Variants in ISM1 observed in about 807,000 individuals in gnomAD.
The protein encoded by ISM1 is isthmin 1.
In ISM1, 25 loss-of-function variants were observed where a neutral mutation model predicts 46.3. The ratio of observed to expected loss-of-function variants is 0.54; its 90% CI spans 0.39 to 0.75. The LOEUF is 0.75. ISM1 is among the 30% of genes least tolerant of loss of function. The pLI is 0.00. For synonymous variants in ISM1, 255 were observed against 256.7 expected (o/e 0.99, Z 0.06); for missense variants, 536 against 625.4 (o/e 0.86, Z 1.52).
chr20:13,293,503 C>CTT (rs907487312), intron 5 of ISM1, among the ~76,000 whole-genome samples: 3 of 146,496 alleles, frequency 2.0e-5, no homozygotes, highest in African/African-American at 7.5e-5. Context: ...AGTCCTGAGT[C>CTT]TTTTTTTTTT....
Position 13,298,968 on chromosome 20 carries a change from A to G in ISM1, c.904A>G (p.Ser302Gly). The change falls in exon 6 of 6, where the codon AGC (serine) becomes GGC (glycine). Residue 302 changes from serine (S) to glycine (G), a missense_variant. By Grantham distance (56) the Ser-to-Gly change is moderately conservative. This residue lies in a region of ISM1 where 169 missense variants were observed against 249.3 expected (regional missense o/e 0.68). Transcript: ENST00000262487. ...CACAGACAGCTGTGAGCGCTGGATG[A>G]GCTGCAAAAGCGAGTTCTTAAAGAA... ...VDTDSCERWM[S>G]CKSEFLKKYM... 1 of 1,613,560 alleles carries G rather than the reference A, an allele frequency of 6.2e-7. No homozygotes were observed. The highest frequency in any genetic ancestry group is 2.2e-5 in the East Asian group (1 of 44,874).
intron 1 of ISM1, among the ~76,000 whole-genome samples, chr20:13,227,404 C>T (rs574140900): frequency 1.3e-5 from 2 of 151,760 alleles, no homozygotes; most frequent in East Asian, 1.9e-4. Flanking sequence ...AGGGTTTCAC[C>T]GTGTTAGCTA....
chr20:13,282,861 C>T (rs542209071), intron 3 of ISM1, among the ~76,000 whole-genome samples: 1 of 152,174 alleles, frequency 6.6e-6, no homozygotes, highest in East Asian at 1.9e-4. Context: ...GCTAGCCCTC[C>T]GACCACACTT....
intron 1 of ISM1, among the ~76,000 whole-genome samples, chr20:13,266,021 G>A (rs2040039074): frequency 6.6e-6 from 1 of 152,166 alleles, no homozygotes; most frequent in Admixed American, 6.5e-5. Context: ...GGACAAAGTG[G>A]AAGAGAGAAA....
intron 1 of ISM1, among the ~76,000 whole-genome samples, chr20:13,268,158 TCCCTTCTCTC>T (rs1193379573): frequency 6.8e-6 from 1 of 146,990 alleles, no homozygotes; most frequent in Non-Finnish European, 1.5e-5. Flanking sequence ...TCTCTTCCCT[TCCCTTCTCTC>T]CTCTCCTCTC....
chr20:13,295,803 G>T (rs996457250), intron 5 of ISM1, among the ~76,000 whole-genome samples: 3 of 152,176 alleles, frequency 2.0e-5, no homozygotes, highest in African/African-American at 7.2e-5. Context: ...CCCCTACCAC[G>T]CTCAGTCATT....
chr20:13,318,190 T>C, the ISM1 span, among the ~76,000 whole-genome samples: 2 of 134,794 alleles, frequency 1.5e-5, no homozygotes, highest in Admixed American at 1.5e-4. Flanking sequence ...TAACAGACAC[T>C]TCACCAAAGA....
intron 1 of ISM1, among the ~76,000 whole-genome samples, chr20:13,247,517 G>GGT (rs35224672): frequency 0.059 from 8,276 of 139,742 alleles, 238 homozygotes; most frequent in Admixed American, 0.086. Flanking sequence ...CAAAGTGAGG[G>GGT]GTGTGTGTGT....
intron 1 of ISM1, among the ~76,000 whole-genome samples, chr20:13,236,274 T>C (rs2039648685): frequency 6.6e-6 from 1 of 152,120 alleles, no homozygotes; most frequent in African/African-American, 2.4e-5. Context: ...TTAGGAGTAA[T>C]ACAGTAGAAG....
At chr20:13,278,633 GTT>G (rs2040206249) in intron 2 of ISM1, among the ~76,000 whole-genome samples, 1 of 152,192 alleles carries the variant, frequency 6.6e-6, no homozygotes, top group South Asian at 2.1e-4. Flanking sequence ...CTGTGCACCA[GTT>G]TTCCTTGGTG....
At chr20:13,285,607 C>T (rs558430288) in intron 3 of ISM1, among the ~76,000 whole-genome samples, 1 of 152,226 alleles carries the variant, frequency 6.6e-6, no homozygotes, top group Non-Finnish European at 1.5e-5. Context: ...TATACCTCAG[C>T]TGGCATCCTA....
chr20:13,231,325 C>T (rs531069903), intron 1 of ISM1, among the ~76,000 whole-genome samples: 17 of 152,292 alleles, frequency 1.1e-4, no homozygotes, highest in South Asian at 2.1e-4. Context: ...CATGCCCTCC[C>T]GGAGCAGTCA....
At chr20:13,230,851 G>A (rs925862451) in intron 1 of ISM1, among the ~76,000 whole-genome samples, 5 of 152,098 alleles carry the variant, frequency 3.3e-5, no homozygotes, top group Middle Eastern at 3.4e-3. Context: ...ACATAAATAC[G>A]TAAAACCTAA....
chr20:13,314,809 G>A, the ISM1 span, among the ~76,000 whole-genome samples: 2 of 152,032 alleles, frequency 1.3e-5, no homozygotes, highest in Non-Finnish European at 2.9e-5. Flanking sequence ...ATTCAATTAT[G>A]CACATATCTA....
chr20:13,284,061 G>T (rs2040266046), intron 3 of ISM1, among the ~76,000 whole-genome samples: 1 of 152,194 alleles, frequency 6.6e-6, no homozygotes, highest in Non-Finnish European at 1.5e-5. Flanking sequence ...TAACCTCTCT[G>T]AGCCTCAGTC....
intron 1 of ISM1, among the ~76,000 whole-genome samples, chr20:13,270,285 A>G (rs1210621878): frequency 2.0e-5 from 3 of 152,256 alleles, no homozygotes; most frequent in Non-Finnish European, 4.4e-5. Context: ...ATTAACACTC[A>G]GAAAATTCCC....
At position 13,246,883 on chromosome 20, in the gene ISM1, C is replaced by CT. The variant is rs199982898; in HGVS notation, c.139-23611dup. Among the ~76,000 whole-genome samples the CT allele has an allele frequency of 4.6e-3, 690 of 149,632 alleles. 2 individuals are homozygous for CT. Among genetic ancestry groups the CT allele is most frequent in the African/African-American group, 0.015 (621 of 40,844 alleles). ...TGCATTGTAATTAATATCCTTCTCT[C>CT]TTTTTTTTTTAAACCATTCCAGGGG... On this transcript the variant is annotated intron_variant, in intron 1 of 5. Transcript: ENST00000262487.
At chr20:13,261,917 G>A (rs909163890) in intron 1 of ISM1, among the ~76,000 whole-genome samples, 1 of 152,170 alleles carries the variant, frequency 6.6e-6, no homozygotes. Context: ...GCCTTGGCCT[G>A]GGCCTTATAT....
intron 2 of ISM1, among the ~76,000 whole-genome samples, chr20:13,274,984 C>T (rs1285018264): frequency 1.3e-5 from 2 of 152,162 alleles, no homozygotes; most frequent in Non-Finnish European, 2.9e-5. Context: ...TCCCCCAGAA[C>T]AAGTTAGACT....
Sources: allele counts gnomAD v4.1 joint callset (sites outside exome capture counted in the v4.1 genomes callset), GRCh38; gene constraint gnomAD v4.1.1; regional missense constraint gnomAD v4.1.1; transcripts MANE v1.5; gene names NCBI Gene and HGNC (gene_info 2026-07-23, HGNC 2026-07-21).